Variants in ETFA observed in about 807,000 individuals in gnomAD.
The protein encoded by ETFA is electron transfer flavoprotein subunit alpha, also known as electron transfer flavoprotein subunit alpha, mitochondrial.
Under a neutral mutation model 46.2 loss-of-function variants are expected in ETFA, and 22 were observed. The ratio of observed to expected loss-of-function variants is 0.48; its 90% CI spans 0.34 to 0.68. ETFA has a LOEUF of 0.68. Ranked by LOEUF, ETFA falls within the 30% of genes least tolerant of loss-of-function variation. The probability of loss-of-function intolerance (pLI) is 0.01; values close to 1 mark genes in which losing one functional copy is unlikely to be tolerated. For synonymous variants in ETFA, 131 were observed against 139.9 expected (o/e 0.94, Z 0.45); for missense variants, 345 against 401.1 (o/e 0.86, Z 1.19).
intron 9 of ETFA, among the ~76,000 whole-genome samples, chr15:76,240,906 C>T (rs2039179357): frequency 6.6e-6 from 1 of 151,096 alleles, no homozygotes; most frequent in African/African-American, 2.4e-5. Context: ...AGAATAAGAC[C>T]CCACCTCTAA....
chr15:76,276,411 C>G (rs1006190051), intron 8 of ETFA, among the ~76,000 whole-genome samples: 1 of 151,936 alleles, frequency 6.6e-6, no homozygotes, highest in Non-Finnish European at 1.5e-5. Context: ...AAATGATAGG[C>G]CTAGTTGAAG....
At position 76,216,135 on chromosome 15, in the gene ETFA, T is replaced by G. The variant is rs2142100844; in HGVS notation, c.*424A>C. The stretch of plus-strand genomic sequence containing the variant: ...TCCTATGAAGTTTGCCCTTCAACAA[T>G]GAGATTAGTAGGTTGATTAGGCTGG... On this transcript the variant is annotated 3_prime_UTR_variant, in exon 12 of 12. Coordinates refer to ENST00000557943, the MANE Select transcript of ETFA (RefSeq NM_000126.4). The G allele has an allele frequency of 6.0e-6, 1 of 166,928 alleles. No individual in the cohort carries two copies. The highest frequency in any genetic ancestry group is 1.3e-5 in the Non-Finnish European group (1 of 78,320). The allele number at this position is 166,928 out of a possible 1,614,324, so 10.3% of individuals were successfully genotyped here. A position where few individuals can be genotyped will look rare whatever the true frequency, so the allele number is the denominator to read the frequency against.
At chr15:76,250,643 C>T (rs1432977183) in intron 9 of ETFA, among the ~76,000 whole-genome samples, 2 of 152,010 alleles carry the variant, frequency 1.3e-5, no homozygotes, top group Non-Finnish European at 2.9e-5. Flanking sequence ...AGTGATCCTC[C>T]CACCTCAGCC....
At chr15:76,270,060 A>G (rs929744509) in intron 9 of ETFA, among the ~76,000 whole-genome samples, 4 of 152,236 alleles carry the variant, frequency 2.6e-5, no homozygotes, top group African/African-American at 7.2e-5. Flanking sequence ...AACATCCACC[A>G]AAATGTCTAA....
chr15:76,300,506 C>T (rs529891067), intron 1 of ETFA, among the ~76,000 whole-genome samples: 1 of 152,188 alleles, frequency 6.6e-6, no homozygotes, highest in Non-Finnish European at 1.5e-5. Flanking sequence ...ATCGTCAATG[C>T]CAATATCCTA....
chr15:76,237,575 C>A (rs536502237), intron 9 of ETFA, among the ~76,000 whole-genome samples: 12 of 152,172 alleles, frequency 7.9e-5, no homozygotes, highest in Non-Finnish European at 1.6e-4. Context: ...CTCTCAAAGG[C>A]TCAACTGCTG....
intron 8 of ETFA, among the ~76,000 whole-genome samples, chr15:76,278,402 A>G (rs2039617667): frequency 6.6e-6 from 1 of 152,024 alleles, no homozygotes; most frequent in Non-Finnish European, 1.5e-5. Flanking sequence ...CATTCTAACC[A>G]TTCCTTTGCT....
At chr15:76,306,724 C>A (rs2039944161) in intron 1 of ETFA, among the ~76,000 whole-genome samples, 1 of 152,046 alleles carries the variant, frequency 6.6e-6, no homozygotes, top group South Asian at 2.1e-4. Flanking sequence ...TAAATACTTC[C>A]TTTAATCCTT....
At chr15:76,254,714 G>A (rs974919860) in intron 9 of ETFA, among the ~76,000 whole-genome samples, 1 of 152,058 alleles carries the variant, frequency 6.6e-6, no homozygotes, top group Non-Finnish European at 1.5e-5. Flanking sequence ...TCACTCTGAT[G>A]GCTAATAGAA....
At position 76,226,892 on chromosome 15, in the gene ETFA, T is replaced by G. The variant is rs192528999; in HGVS notation, c.883-963A>C. 7.1e-3 allele frequency among the ~76,000 whole-genome samples: 1,076 copies of G among 152,002 alleles called. 17 individuals are homozygous for G. Among genetic ancestry groups the G allele is most frequent in the African/African-American group, 0.025 (1,022 of 41,470 alleles). ...AGACTCCGTCTCAAAAATAAATAAA[T>G]AAATAAAATAAAATACAATAGAATA... is the stretch of plus-strand genomic sequence containing the variant. On this transcript the variant is annotated intron_variant, in intron 10 of 11. Coordinates refer to ENST00000557943, the MANE Select transcript of ETFA (RefSeq NM_000126.4).
At chr15:76,288,414 A>AT (rs1447998630) in intron 4 of ETFA, among the ~76,000 whole-genome samples, 1 of 152,156 alleles carries the variant, frequency 6.6e-6, no homozygotes, top group Non-Finnish European at 1.5e-5. Context: ...TTGATATTGT[A>AT]TAAAAAAAAG....
In ETFA at chr15:76,288,920, C is replaced by CTTTTTTTTTTTT. The variant is rs35295593; in HGVS notation, c.352-987_352-976dup. 1.1e-3 allele frequency among the ~76,000 whole-genome samples: 125 copies of CTTTTTTTTTTTT among 109,996 alleles called. 3 individuals carry two copies. Among genetic ancestry groups the CTTTTTTTTTTTT allele is most frequent in the African/African-American group, 2.8e-3 (83 of 29,802 alleles). The allele number at this position is 109,996 out of a possible 152,430, so 72.2% of individuals were successfully genotyped here. On this transcript the variant is annotated intron_variant, in intron 4 of 11. Transcript: ENST00000557943. Reference sequence around the variant, plus strand: ...TCAGTTAATTCTTCTTCTTCTTCTTCTTTTTTTTTTTTTTTGGAAACAGGG... The same window carrying CTTTTTTTTTTTT: ...TCAGTTAATTCTTCTTCTTCTTCTTCTTTTTTTTTTTTTTTTTTTTTTTTTTTGGAAACAGGG...
chr15:76,280,593 A>G (rs187611885), intron 8 of ETFA, among the ~76,000 whole-genome samples: 92 of 152,270 alleles, frequency 6.0e-4, no homozygotes, highest in Middle Eastern at 3.4e-3. Context: ...GTGATCCTTT[A>G]AAAATGTGTT....
intron 8 of ETFA, among the ~76,000 whole-genome samples, chr15:76,275,868 G>A (rs2456027): frequency 0.27 from 40,947 of 152,082 alleles, 7,297 homozygotes; most frequent in African/African-American, 0.5. Context: ...TTAATAGCAA[G>A]ATAATCCTAA....
Position 76,261,265 on chromosome 15 carries a change from A to C in ETFA, c.816+13147T>G, listed in dbSNP as rs934199755. The C allele has an allele frequency of 1.3e-5, 21 of 1,573,202 alleles. No individual in the cohort carries two copies. In the African/African-American group the frequency reaches 2.6e-4, roughly 19 times the overall value. On this transcript the variant is annotated intron_variant, in intron 9 of 11. Transcript: ENST00000557943. ...GAAAGGGGCATTGGGTGGCACTGCC[A>C]GATCTTTTGGCTCCACTGTGAAAAG...
At chr15:76,291,379 A>G (rs1393849435) in intron 4 of ETFA, among the ~76,000 whole-genome samples, 2 of 132,984 alleles carry the variant, frequency 1.5e-5, no homozygotes, top group Non-Finnish European at 3.1e-5. Flanking sequence ...CAGGAGGTAG[A>G]GGTTGCAGTG....
At chr15:76,307,489 C>T (rs952483862) in intron 1 of ETFA, among the ~76,000 whole-genome samples, 87 of 118,688 alleles carry the variant, frequency 7.3e-4, no homozygotes, top group African/African-American at 2.0e-3. Flanking sequence ...CCATCTTAAC[C>T]TTTTTTTTTT....
At chr15:76,255,895 C>T (rs1272219622) in intron 9 of ETFA, among the ~76,000 whole-genome samples, 1 of 151,902 alleles carries the variant, frequency 6.6e-6, no homozygotes, top group Non-Finnish European at 1.5e-5. Flanking sequence ...TGGCCACATA[C>T]TCACAGTTTT....
chr15:76,273,286 G>A (rs953052004), intron 9 of ETFA, among the ~76,000 whole-genome samples: 1 of 152,184 alleles, frequency 6.6e-6, no homozygotes, highest in Non-Finnish European at 1.5e-5. Flanking sequence ...GCCGGGTGCG[G>A]TGGCTCACGC....
Sources: gnomAD v4.1 joint callset for allele counts (sites outside exome capture counted in the v4.1 genomes callset) on GRCh38, gnomAD v4.1.1 for gene constraint, MANE v1.5 for transcripts, NCBI Gene and HGNC (gene_info 2026-07-23, HGNC 2026-07-21) for gene names.